Variants in KIAA1958 observed in about 807,000 individuals in gnomAD.
KIAA1958 encodes KIAA1958, also known as uncharacterized protein KIAA1958.
In KIAA1958, 14 loss-of-function variants were observed where a neutral mutation model predicts 47.2. The ratio of observed to expected loss-of-function variants is 0.30; its 90% confidence interval spans 0.20 to 0.46. The LOEUF (loss-of-function observed/expected upper bound fraction) is 0.46, where lower values mean the gene tolerates loss of function less well. Ranked by LOEUF, KIAA1958 falls within the 20% of genes least tolerant of loss-of-function variation. The probability of loss-of-function intolerance (pLI) is 1.00; values close to 1 mark genes in which losing one functional copy is unlikely to be tolerated. For missense variants in KIAA1958, 803 were observed against 909.2 expected, an observed-to-expected ratio of 0.88 and a Z score of 1.50; for synonymous variants, 354 against 353.3, an observed-to-expected ratio of 1.00 and a Z score of -0.02.
intron 3 of KIAA1958, among the ~76,000 whole-genome samples, chr9:112,647,395 A>G (rs1836993214): frequency 6.6e-6 from 1 of 152,186 alleles, no homozygotes; most frequent in Admixed American, 6.6e-5. Flanking sequence ...GAAAATATCC[A>G]AAATGTAGGT....
intron 1 of KIAA1958, among the ~76,000 whole-genome samples, chr9:112,508,919 T>G (rs538587113): frequency 6.6e-6 from 1 of 152,182 alleles, no homozygotes; most frequent in Non-Finnish European, 1.5e-5. Flanking sequence ...ATAGTACTTT[T>G]GCAAAATGAG....
intron 1 of KIAA1958, among the ~76,000 whole-genome samples, chr9:112,573,189 A>G (rs1054678795): frequency 4.6e-5 from 7 of 152,148 alleles, no homozygotes; most frequent in Non-Finnish European, 8.8e-5. Context: ...TCTCCTGCCT[A>G]ATAAGGAATG....
intron 3 of KIAA1958, among the ~76,000 whole-genome samples, chr9:112,653,213 G>GA (rs1837091610): frequency 6.6e-6 from 1 of 152,118 alleles, no homozygotes; most frequent in African/African-American, 2.4e-5. Context: ...AAGGTTAGTA[G>GA]AAAAAAGCAT....
At chr9:112,528,290 G>A (rs1489352930) in intron 1 of KIAA1958, among the ~76,000 whole-genome samples, 1 of 152,114 alleles carries the variant, frequency 6.6e-6, no homozygotes, top group African/African-American at 2.4e-5. Flanking sequence ...AGTGTCCCAC[G>A]TGACAGAATG....
At chr9:112,541,128 A>T (rs1834933767) in intron 1 of KIAA1958, among the ~76,000 whole-genome samples, 1 of 152,148 alleles carries the variant, frequency 6.6e-6, no homozygotes, top group Non-Finnish European at 1.5e-5. Context: ...TGGTTTTATG[A>T]TTCCTTTCCA....
At chr9:112,566,836 G>A (rs149309916) in intron 1 of KIAA1958, among the ~76,000 whole-genome samples, 15 of 152,108 alleles carry the variant, frequency 9.9e-5, no homozygotes, top group African/African-American at 3.6e-4. Flanking sequence ...GCATGAACAG[G>A]TTTTCTAACA....
intron 3 of KIAA1958, among the ~76,000 whole-genome samples, chr9:112,646,546 C>G (rs1019758009): frequency 6.6e-6 from 1 of 152,110 alleles, no homozygotes; most frequent in Non-Finnish European, 1.5e-5. Flanking sequence ...CCTCCATTTC[C>G]CCATTTGTAA....
chr9:112,525,919 T>G, intron 1 of KIAA1958, among the ~76,000 whole-genome samples: 1 of 766 alleles, frequency 1.3e-3, no homozygotes, highest in East Asian at 0.17. Context: ...TTTATATTCT[T>G]TCTTCTTCTT....
At chr9:112,559,365 G>A (rs925801303) in intron 1 of KIAA1958, among the ~76,000 whole-genome samples, 3 of 152,212 alleles carry the variant, frequency 2.0e-5, no homozygotes, top group African/African-American at 7.2e-5. Flanking sequence ...ATGTGCTCTA[G>A]CAAAGGAAAC....
chr9:112,518,002 C>G (rs1321050153), intron 1 of KIAA1958, among the ~76,000 whole-genome samples: 1 of 152,122 alleles, frequency 6.6e-6, no homozygotes, highest in Non-Finnish European at 1.5e-5. Context: ...ACAATTTTTG[C>G]CCTTTCAAAA....
At chr9:112,586,300 C>T (rs545668477) in intron 2 of KIAA1958, among the ~76,000 whole-genome samples, 3 of 152,170 alleles carry the variant, frequency 2.0e-5, no homozygotes, top group Admixed American at 2.0e-4. Context: ...ATAATTTATT[C>T]GAAACACTTT....
chr9:112,533,650 C>T (rs1197063870), intron 1 of KIAA1958, among the ~76,000 whole-genome samples: 3 of 150,136 alleles, frequency 2.0e-5, no homozygotes, highest in South Asian at 2.1e-4. Flanking sequence ...GCTGGGGAGA[C>T]CTCAGGAAAC....
chr9:112,553,043 G>T (rs569187707), intron 1 of KIAA1958, among the ~76,000 whole-genome samples: 1 of 151,956 alleles, frequency 6.6e-6, no homozygotes, highest in Admixed American at 6.6e-5. Flanking sequence ...TTTGAATCCT[G>T]ATTCCTTCCC....
At chr9:112,507,295 A>G (rs746877902) in intron 1 of KIAA1958, among the ~76,000 whole-genome samples, 1 of 152,172 alleles carries the variant, frequency 6.6e-6, no homozygotes, top group Non-Finnish European at 1.5e-5. Context: ...ATATGCATAT[A>G]AGAATGTTTA....
chr9:112,596,472 T>C (rs1237699765), intron 2 of KIAA1958, among the ~76,000 whole-genome samples: 3 of 152,194 alleles, frequency 2.0e-5, no homozygotes, highest in Non-Finnish European at 2.9e-5. Context: ...CATCTCATAA[T>C]TGAAAGAAAA....
intron 2 of KIAA1958, chr9:112,617,834 A>G (rs1164908349): frequency 6.7e-7 from 1 of 1,491,176 alleles, no homozygotes; most frequent in Non-Finnish European, 9.0e-7. Flanking sequence ...GAACTCATCA[A>G]CACCCTCTCT....
In KIAA1958 at chr9:112,597,995, A is replaced by C. The variant is rs569553970; in HGVS notation, c.1171+22744A>C. Among the ~76,000 whole-genome samples the C allele has an allele frequency of 1.1e-4, 16 of 152,372 alleles. No individual in the cohort carries two copies. In the East Asian group the frequency reaches 1.9e-3, roughly 18 times the overall value. On this transcript the variant is annotated intron_variant, in intron 2 of 3. Transcript: ENST00000337530. ...CTAGTCTGGGCTCCTCACAGAGCTT[A>C]CTTAATGTTATAGACGTTAATCAAG...
intron 1 of KIAA1958, among the ~76,000 whole-genome samples, chr9:112,551,780 G>T (rs1835157008): frequency 6.6e-6 from 1 of 152,194 alleles, no homozygotes; most frequent in African/African-American, 2.4e-5. Flanking sequence ...AGTACCTGTT[G>T]TATCATCCTT....
intron 1 of KIAA1958, among the ~76,000 whole-genome samples, chr9:112,551,093 A>G (rs147525133): frequency 1.2e-4 from 18 of 144,622 alleles, no homozygotes; most frequent in Admixed American, 1.2e-3. Flanking sequence ...CTGTTTTACT[A>G]TGAGTTTTTA....
Sources: gnomAD v4.1 joint callset for allele counts (sites outside exome capture counted in the v4.1 genomes callset) on GRCh38, gnomAD v4.1.1 for gene constraint, MANE v1.5 for transcripts, NCBI Gene and HGNC (gene_info 2026-07-23, HGNC 2026-07-21) for gene names.